The following SV2B variants were observed in gnomAD, a reference collection of about 807,000 sequenced individuals.
SV2B encodes synaptic vesicle glycoprotein 2B.
Under a neutral mutation model 73.9 loss-of-function variants are expected in SV2B, and 41 were observed. The ratio of observed to expected loss-of-function variants is 0.56; its 90% CI spans 0.43 to 0.72. The LOEUF (loss-of-function observed/expected upper bound fraction) is 0.72, where lower values mean the gene tolerates loss of function less well. Ranked by LOEUF, SV2B falls within the 30% of genes least tolerant of loss-of-function variation. The probability of loss-of-function intolerance (pLI) is 0.00; values close to 1 mark genes in which losing one functional copy is unlikely to be tolerated. For missense variants in SV2B, 764 were observed against 857.8 expected, an observed-to-expected ratio of 0.89 and a Z score of 1.37; for synonymous variants, 314 against 314.2, an observed-to-expected ratio of 1.00 and a Z score of 0.01.
At chr15:91,177,226 G>T (rs1309183496) in intron 1 of SV2B, among the ~76,000 whole-genome samples, 1 of 151,874 alleles carries the variant, frequency 6.6e-6, no homozygotes, top group Non-Finnish European at 1.5e-5. Context: ...ATTTCTGAGG[G>T]CTCTGTTCTG....
intron 1 of SV2B, among the ~76,000 whole-genome samples, chr15:91,168,331 A>AGAGAGAGAGAGAGAGAGAG (rs58086579): frequency 8.6e-5 from 13 of 151,148 alleles, no homozygotes; most frequent in South Asian, 2.1e-4. Context: ...AGAGAGAGAG[A>AGAGAGAGAGAGAGAGAGAG]AAAGAAATTT....
intron 1 of SV2B, among the ~76,000 whole-genome samples, chr15:91,117,438 A>G (rs2042212224): frequency 1.3e-5 from 2 of 152,228 alleles, no homozygotes; most frequent in Admixed American, 1.3e-4. Flanking sequence ...TAATTATTGC[A>G]GTGGCTCATA....
Position 91,297,947 on chromosome 15 carries a change from C to T in SV2B, c.*5395C>T, listed in dbSNP as rs563283727. On this transcript the variant is annotated 3_prime_UTR_variant, in exon 13 of 13. Coordinates refer to ENST00000394232, the MANE Select transcript of SV2B (RefSeq NM_001323032.3). This position sits in a 1 kb window ranked among gnomAD's most constrained non-coding sequence, Gnocchi z 5.1. ...TGATCTTTGTTTTGGCCATTTCCAC[C>T]TGGTGAAGATTTTCATAGACAAATA... 6.6e-6 allele frequency: 1 copy of T among 152,266 alleles called. No individual in the cohort carries two copies. Among genetic ancestry groups the T allele is most frequent in the East Asian group, 1.9e-4 (1 of 5,178 alleles). The allele number at this position is 152,266 out of a possible 1,614,324, so 9.4% of individuals were successfully genotyped here. A position where few individuals can be genotyped will look rare whatever the true frequency, so the allele number is the denominator to read the frequency against.
At chr15:91,222,643 C>T (rs936264114) in intron 1 of SV2B, among the ~76,000 whole-genome samples, 3 of 152,148 alleles carry the variant, frequency 2.0e-5, no homozygotes, top group South Asian at 2.1e-4. Flanking sequence ...ATCTTCTTGG[C>T]GTCTTAGTTT....
chr15:91,139,655 T>C lies in SV2B; in HGVS notation c.-392+39292T>C, dbSNP rs1391813029. ...TCAGAGAAGGCAAAAGCAAATTCTG[T>C]CTGAAAGAGAGCACCCTCCATTTAG... On this transcript the variant is annotated intron_variant, in intron 1 of 12. Transcript: ENST00000394232. This position sits in a 1 kb window ranked among gnomAD's most constrained non-coding sequence, Gnocchi z 5.2. Among the ~76,000 whole-genome samples, 2 of 152,146 alleles carry C rather than the reference T, an allele frequency of 1.3e-5. No homozygotes were observed. Among genetic ancestry groups the C allele is most frequent in the Non-Finnish European group, 2.9e-5 (2 of 68,024 alleles).
At chr15:91,111,760 C>T (rs2042041828) in intron 1 of SV2B, among the ~76,000 whole-genome samples, 1 of 152,068 alleles carries the variant, frequency 6.6e-6, no homozygotes, top group Admixed American at 6.5e-5. Flanking sequence ...GTTCTGCAGG[C>T]TACACAGGAA....
At position 91,283,786 on chromosome 15, in the gene SV2B, G is replaced by A. The variant is rs921387363; in HGVS notation, c.1508-235G>A. On this transcript the variant is annotated intron_variant, in intron 10 of 12. Coordinates refer to ENST00000394232, the MANE Select transcript of SV2B (RefSeq NM_001323032.3). The surrounding 1 kb of genome is among the most constrained non-coding windows in gnomAD (Gnocchi z 4.3). ...TGCATTTTGAAGTCTCTCAATGTTA[G>A]TTTAATTTCCCCTTGCTTTTAGGAA... Among the ~76,000 whole-genome samples, 2 of 151,952 alleles carry A rather than the reference G, an allele frequency of 1.3e-5. No homozygotes were observed. The highest frequency in any genetic ancestry group is 4.8e-5 in the African/African-American group (2 of 41,326).
chr15:91,202,688 G>A (rs1011261085), intron 1 of SV2B, among the ~76,000 whole-genome samples: 3 of 152,226 alleles, frequency 2.0e-5, no homozygotes, highest in Non-Finnish European at 2.9e-5. Flanking sequence ...CTGTGTGTGG[G>A]GGTGGGGTGG....
In SV2B at chr15:91,265,839, A is replaced by G. The variant is rs899604293; in HGVS notation, c.1009-743A>G. On this transcript the variant is annotated intron_variant, in intron 6 of 12. Coordinates refer to ENST00000394232, the MANE Select transcript of SV2B (RefSeq NM_001323032.3). The surrounding 1 kb of genome is among the most constrained non-coding windows in gnomAD (Gnocchi z 4.2). ...TTTAGCAGATTCTCAAATTCTCCCA[A>G]AAGCTTAAGAACCACTGTTTTGGCT... Among the ~76,000 whole-genome samples, 2 of 152,246 alleles carry G rather than the reference A, an allele frequency of 1.3e-5. No homozygotes were observed.
intron 1 of SV2B, among the ~76,000 whole-genome samples, chr15:91,138,697 A>G (rs1328319043): frequency 1.3e-5 from 2 of 152,338 alleles, no homozygotes; most frequent in Non-Finnish European, 2.9e-5. Context: ...TAATCTAAAG[A>G]TGATTTAAAG....
rs2046773705 is a variant in SV2B at position 91,236,186 on chromosome 15, C to T, written c.451+9472C>T. Among the ~76,000 whole-genome samples the T allele has an allele frequency of 6.6e-6, 1 of 152,196 alleles. No homozygotes were observed. The highest frequency in any genetic ancestry group is 2.1e-4 in the South Asian group (1 of 4,828). ...CCCTTGGCAATGTCACCTTCAAAGA[C>T]TTTAATGAGTTGTTTTTCCTCCACA... On this transcript the variant is annotated intron_variant, in intron 2 of 12. Coordinates refer to ENST00000394232, the MANE Select transcript of SV2B (RefSeq NM_001323032.3). This position sits in a 1 kb window ranked among gnomAD's most constrained non-coding sequence, Gnocchi z 4.1.
At position 91,251,936 on chromosome 15, in the gene SV2B, C is replaced by T; in HGVS notation, c.569C>T (p.Ser190Phe). Reference sequence around the variant, plus strand: ...CTGGCCGTCAATGCCTCCTTCGCCTCCCTCTCTTCCTTCGTGCAGGGATAT... The same window carrying T: ...CTGGCCGTCAATGCCTCCTTCGCCTTCCTCTCTTCCTTCGTGCAGGGATAT... The part of the protein sequence containing the change: ...MSLAVNASFA[S>F]LSSFVQGYGA... The change falls in exon 3 of 13, where the codon TCC becomes TTC. Residue 190 changes from serine to phenylalanine, a missense_variant. Ser to Phe is a radical substitution (Grantham distance 155). Coordinates refer to ENST00000394232, the MANE Select transcript of SV2B (RefSeq NM_001323032.3). 1 of 1,614,148 alleles carries T rather than the reference C, an allele frequency of 6.2e-7. No individual in the cohort carries two copies. Among genetic ancestry groups the T allele is most frequent in the Non-Finnish European group, 8.5e-7 (1 of 1,180,028 alleles).
At chr15:91,153,335 G>A (rs886074546) in intron 1 of SV2B, among the ~76,000 whole-genome samples, 3 of 152,098 alleles carry the variant, frequency 2.0e-5, no homozygotes, top group African/African-American at 7.2e-5. Context: ...TGGTGCCAGC[G>A]TCACTGTGTG....
intron 1 of SV2B, among the ~76,000 whole-genome samples, chr15:91,182,789 T>G (rs969951037): frequency 6.6e-6 from 1 of 152,202 alleles, no homozygotes; most frequent in African/African-American, 2.4e-5. Flanking sequence ...AAAATGCCAT[T>G]CATTATAGGA....
intron 1 of SV2B, among the ~76,000 whole-genome samples, chr15:91,202,669 G>A (rs2045502521): frequency 6.6e-6 from 1 of 152,198 alleles, no homozygotes; most frequent in African/African-American, 2.4e-5. Flanking sequence ...ATGCTCTGGG[G>A]ATCAACACCT....
At position 91,295,882 on chromosome 15, in the gene SV2B, C is replaced by G. The variant is rs1188300424; in HGVS notation, c.*3330C>G. ...AACTGGCCACAGTTTCTGCTTCCTG[C>G]CTCATTCCACTTGCAGTGAGCGGAT... is the stretch of plus-strand genomic sequence containing the variant. On this transcript the variant is annotated 3_prime_UTR_variant, in exon 13 of 13. Transcript: ENST00000394232. The G allele has an allele frequency of 6.6e-6, 1 of 152,218 alleles. No individual in the cohort carries two copies. The highest frequency in any genetic ancestry group is 1.5e-5 in the Non-Finnish European group (1 of 68,038). The allele number at this position is 152,218 out of a possible 1,614,324, so 9.4% of individuals were successfully genotyped here. A position where few individuals can be genotyped will look rare whatever the true frequency, so the allele number is the denominator to read the frequency against.
At chr15:91,247,831 A>T (rs2047301744) in intron 2 of SV2B, among the ~76,000 whole-genome samples, 1 of 152,198 alleles carries the variant, frequency 6.6e-6, no homozygotes, top group South Asian at 2.1e-4. Context: ...TTTGTGGACC[A>T]AGTAAGGTCT....
intron 1 of SV2B, among the ~76,000 whole-genome samples, chr15:91,162,679 T>C (rs530595089): frequency 6.6e-6 from 1 of 152,350 alleles, no homozygotes; most frequent in African/African-American, 2.4e-5. Context: ...TCCAATCTCA[T>C]TCTTCTTGTT....
At chr15:91,171,953 ACT>A (rs1314336501) in intron 1 of SV2B, among the ~76,000 whole-genome samples, 1 of 151,816 alleles carries the variant, frequency 6.6e-6, no homozygotes, top group Non-Finnish European at 1.5e-5. Flanking sequence ...AATCCATATC[ACT>A]CTGTTGGATA....
Sources: allele counts gnomAD v4.1 joint callset (sites outside exome capture counted in the v4.1 genomes callset), GRCh38; gene constraint gnomAD v4.1.1; non-coding constraint Gnocchi (gnomAD v3.1); transcripts MANE v1.5; gene names NCBI Gene and HGNC (gene_info 2026-07-23, HGNC 2026-07-21).